The following CAND2 variants were observed in gnomAD, a reference collection of about 807,000 sequenced individuals.
The protein encoded by CAND2 is cullin associated and neddylation dissociated 2 (putative).
CAND2 carries 62 observed loss-of-function variants against 98.9 expected under a neutral mutation model. The observed-to-expected ratio is 0.63, with a 90% CI of 0.51 to 0.77. CAND2 has a LOEUF of 0.77. Ranked by LOEUF, CAND2 falls within the 30% of genes least tolerant of loss-of-function variation. The pLI, the probability that CAND2 is intolerant of heterozygous loss-of-function variation, is 0.00. For missense variants in CAND2, 1,501 were observed against 1,655.2 expected (o/e 0.91, Z 1.62); for synonymous variants, 770 against 731.9 (o/e 1.05, Z -0.84).
chr3:12,814,898 G>C (rs903423977), intron 7 of CAND2, among the ~76,000 whole-genome samples: 1 of 152,126 alleles, frequency 6.6e-6, no homozygotes. Flanking sequence ...AATAATCCCT[G>C]TCTCAAAAGG....
In CAND2 at chr3:12,816,877, A is replaced by C. The variant is rs1256472769; in HGVS notation, c.1945A>C (p.Ile649Leu). ...CCCACTACAGCTTGACCTACAGCCCATCCTGGCCGAGGCACTGCACATTCT... is the reference window on the plus strand; with the variant it reads ...CCCACTACAGCTTGACCTACAGCCCCTCCTGGCCGAGGCACTGCACATTCT... ...VSPLQLDLQP[I>L]LAEALHILAS... is the part of the protein sequence containing the mutation. The change falls in exon 10 of 15, where the codon ATC becomes CTC. Residue 649 changes from isoleucine to leucine, a missense_variant. Physicochemically the swap from Ile to Leu is conservative, Grantham distance 5. Coordinates refer to ENST00000456430, the MANE Select transcript of CAND2 (RefSeq NM_001162499.2). 2 of 1,613,748 alleles carry C rather than the reference A, an allele frequency of 1.2e-6. No homozygotes were observed. The highest frequency in any genetic ancestry group is 1.7e-6 in the Non-Finnish European group (2 of 1,180,042).
intron 14 of CAND2, 84 bp from the exon 15 acceptor site, chr3:12,833,671 A>G (rs1214605359): frequency 3.8e-6 from 4 of 1,060,682 alleles, no homozygotes; most frequent in Admixed American, 3.6e-5. Context: ...GATGGGGCAG[A>G]GAGGAAGCCA....
At position 12,833,955 on chromosome 3, in the gene CAND2, C is replaced by G; in HGVS notation, c.3684C>G (p.Pro1228=). The G allele has an allele frequency of 6.2e-7, 1 of 1,614,140 alleles. No individual in the cohort carries two copies. Among genetic ancestry groups the G allele is most frequent in the Non-Finnish European group, 8.5e-7 (1 of 1,179,998 alleles). ...ESIQKDSASA[P]STDSMELS ...TCCAGAAGGATTCCGCTTCAGCCCC[C>G]AGCACAGACTCAATGGAGCTCAGCT... The change falls in exon 15 of 15, where the codon CCC becomes CCG. Residue 1228 remains proline, a synonymous_variant. Coordinates refer to ENST00000456430, the MANE Select transcript of CAND2 (RefSeq NM_001162499.2).
At chr3:12,831,429 C>A in intron 13 of CAND2, 36 bp from the exon 14 acceptor site, 1 of 1,555,788 alleles carries the variant, frequency 6.4e-7, no homozygotes, top group Non-Finnish European at 8.9e-7. Flanking sequence ...TGCTCCTGCA[C>A]CATTTCACTA....
At chr3:12,797,195 G>C (rs2061732427) in intron 1 of CAND2, among the ~76,000 whole-genome samples, 1 of 34,642 alleles carries the variant, frequency 2.9e-5, no homozygotes, top group South Asian at 9.1e-4. Flanking sequence ...ACCACCTTCA[G>C]CGAGCCCACA....
At chr3:12,799,583 G>A (rs2061751832) in intron 1 of CAND2, among the ~76,000 whole-genome samples, 1 of 152,122 alleles carries the variant, frequency 6.6e-6, no homozygotes, top group African/African-American at 2.4e-5. Flanking sequence ...TGTAAGTTCT[G>A]TTAAGGGCTA....
chr3:12,816,507 T>A lies in CAND2; in HGVS notation c.1575T>A (p.Pro525=). Residue 525 remains proline, a synonymous_variant, in exon 10 of 15, where the codon CCT becomes CCA. Coordinates refer to ENST00000456430, the MANE Select transcript of CAND2 (RefSeq NM_001162499.2). ...CACACTTGCCTATCCTCCTGCCACC[T>A]GTGATGGCCTGTGTGGCTGACTCTT... ...FHPHLPILLP[P]VMACVADSFY... The A allele has an allele frequency of 6.2e-7, 1 of 1,613,986 alleles. No homozygotes were observed.
chr3:12,816,349 C>G, intron 9 of CAND2, 25 bp from the exon 10 acceptor site: 3 of 1,588,908 alleles, frequency 1.9e-6, no homozygotes, highest in Non-Finnish European at 2.6e-6. Flanking sequence ...GCGGTGGCCT[C>G]ATAACCTTTG....
chr3:12,813,715 A>G (rs1436711217), intron 7 of CAND2, among the ~76,000 whole-genome samples: 1 of 152,228 alleles, frequency 6.6e-6, no homozygotes, highest in East Asian at 1.9e-4. Context: ...TGGGCCTTAG[A>G]GCCAGGTCTG....
Position 12,834,389 on chromosome 3 carries a change from A to G in CAND2, c.*407A>G, listed in dbSNP as rs2124880053. 1 of 181,640 alleles carries G rather than the reference A, an allele frequency of 5.5e-6. No homozygotes were observed. The highest frequency in any genetic ancestry group is 1.4e-4 in the East Asian group (1 of 7,378). 11.3% of individuals were successfully genotyped at this position (181,640 alleles called of 1,614,324 possible). On this transcript the variant is annotated 3_prime_UTR_variant, in exon 15 of 15. Coordinates refer to ENST00000456430, the MANE Select transcript of CAND2 (RefSeq NM_001162499.2). ...CAGCAGACACCACTCTGGTTTCTTC[A>G]CTGCATTCAGCAATGCCTGAAGTTA...
intron 13 of CAND2, among the ~76,000 whole-genome samples, chr3:12,828,340 T>G (rs1025487000): frequency 1.3e-5 from 2 of 149,368 alleles, no homozygotes; most frequent in African/African-American, 5.0e-5. Flanking sequence ...TGAAGTGTTT[T>G]TTTTTTTTTT....
intron 13 of CAND2, 52 bp downstream of exon 13, chr3:12,827,656 C>A: frequency 2.0e-6 from 3 of 1,516,488 alleles, no homozygotes; most frequent in South Asian, 2.5e-5. Context: ...AAGGGATAGT[C>A]GGGCACCATT....
chr3:12,824,705 C>T (rs2061986379), intron 11 of CAND2, among the ~76,000 whole-genome samples: 2 of 152,140 alleles, frequency 1.3e-5, no homozygotes, highest in Middle Eastern at 3.4e-3. Flanking sequence ...GTCAGGAGTT[C>T]GAGACCAGCC....
Position 12,817,437 on chromosome 3 carries a change from C to T in CAND2, c.2505C>T (p.Ser835=). 6.2e-7 allele frequency: 1 copy of T among 1,613,732 alleles called. No individual in the cohort carries two copies. Among genetic ancestry groups the T allele is most frequent in the Non-Finnish European group, 8.5e-7 (1 of 1,179,996 alleles). Residue 835 remains serine (S), a synonymous_variant, in exon 10 of 15, where the codon TCC becomes TCT. Transcript: ENST00000456430. The stretch of plus-strand genomic sequence containing the variant: ...TCTGCGATGCCAGGTCGCCCCACTC[C>T]AGCACGGGGGTCAAGGTCCTGGCAT... ...RLVCDARSPH[S]STGVKVLAFL...
At chr3:12,825,052 G>A (rs191069549) in intron 11 of CAND2, among the ~76,000 whole-genome samples, 11 of 152,108 alleles carry the variant, frequency 7.2e-5, no homozygotes, top group Admixed American at 5.2e-4. Flanking sequence ...CACAGAGTCC[G>A]TGCTGTGTGC....
chr3:12,797,646 C>T lies in CAND2; in HGVS notation c.68+858C>T, dbSNP rs2061736098. 2.0e-5 allele frequency among the ~76,000 whole-genome samples: 3 copies of T among 152,330 alleles called. 1 individual carries two copies. In the South Asian group the frequency reaches 6.2e-4, roughly 32 times the overall value. On this transcript the variant is annotated intron_variant, in intron 1 of 14. Transcript: ENST00000456430. ...AGGAAAAGGGATTGGCCCGTGGTCT[C>T]ATGGCCAGTTCTGGCCCCTCCAGCT...
At chr3:12,818,406 C>T (rs534617285) in intron 10 of CAND2, among the ~76,000 whole-genome samples, 5 of 152,380 alleles carry the variant, frequency 3.3e-5, no homozygotes, top group Admixed American at 6.5e-5. Context: ...TCAGCTCTTT[C>T]GGCTAGCCTG....
chr3:12,810,386 G>T, intron 5 of CAND2, 62 bp downstream of exon 5: 1 of 1,359,556 alleles, frequency 7.4e-7, no homozygotes, highest in South Asian at 1.7e-5. Context: ...GTGAGCCAAT[G>T]ACTCGGTAAA....
intron 7 of CAND2, among the ~76,000 whole-genome samples, chr3:12,814,820 A>G (rs1464719983): frequency 6.6e-6 from 1 of 152,100 alleles, no homozygotes; most frequent in Non-Finnish European, 1.5e-5. Flanking sequence ...AACTCCAAGT[A>G]TTTCCTTAAC....
Sources: gnomAD v4.1 joint callset for allele counts (sites outside exome capture counted in the v4.1 genomes callset) on GRCh38, gnomAD v4.1.1 for gene constraint, MANE v1.5 for transcripts, NCBI Gene and HGNC (gene_info 2026-07-23, HGNC 2026-07-21) for gene names.